LTBP1: variants seen among roughly 807,000 people sequenced by gnomAD.
LTBP1 encodes the protein latent-transforming growth factor beta-binding protein 1.
A neutral mutation model predicts 207.6 loss-of-function variants in LTBP1; 129 were observed. That is an observed-to-expected ratio of 0.62 (90% CI 0.54 to 0.72). LTBP1 has a LOEUF of 0.72. LTBP1 is among the 30% of genes least tolerant of loss of function. The probability of loss-of-function intolerance (pLI) is 0.00; values close to 1 mark genes in which losing one functional copy is unlikely to be tolerated. For missense variants in LTBP1, 2,281 were observed against 2,217.2 expected (o/e 1.03, Z -0.58); for synonymous variants, 963 against 833.7 (o/e 1.16, Z -2.67).
chr2:33,019,330 T>TC, intron 2 of LTBP1, among the ~76,000 whole-genome samples: 1 of 112,588 alleles, frequency 8.9e-6, no homozygotes, highest in Non-Finnish European at 1.9e-5. Context: ...GTACACTTCT[T>TC]TTTTTTTTTT....
At chr2:33,116,220 TA>T (rs1420204540) in intron 4 of LTBP1, among the ~76,000 whole-genome samples, 1 of 152,256 alleles carries the variant, frequency 6.6e-6, no homozygotes, top group Non-Finnish European at 1.5e-5. Flanking sequence ...TTCTACTACA[TA>T]ACTTTAATAT....
At chr2:33,231,783 T>C (rs980264355) in intron 9 of LTBP1, among the ~76,000 whole-genome samples, 1 of 152,240 alleles carries the variant, frequency 6.6e-6, no homozygotes, top group African/African-American at 2.4e-5. Flanking sequence ...GGCAAAGCTC[T>C]TATAATTAAT....
chr2:33,328,162 T>TAAATAAATAAATAAATAAATA lies in LTBP1; in HGVS notation c.3730+12900_3730+12901insTAAATAAATAAATAAAATAAA, dbSNP rs61232623. 1.3e-3 allele frequency among the ~76,000 whole-genome samples: 186 copies of TAAATAAATAAATAAATAAATA among 145,930 alleles called. 1 individual carries two copies. The highest frequency in any genetic ancestry group is 4.6e-3 in the African/African-American group (169 of 36,404). On this transcript the variant is annotated intron_variant, in intron 24 of 33. Coordinates refer to ENST00000404816, the MANE Select transcript of LTBP1 (RefSeq NM_206943.4). ...ATAAATAAATAAATAAATAAATAAA[T>TAAATAAATAAATAAATAAATA]AAATAAAATAAAAATAAAATGCATG...
At chr2:32,982,467 C>A (rs1259641882) in intron 2 of LTBP1, among the ~76,000 whole-genome samples, 1 of 152,156 alleles carries the variant, frequency 6.6e-6, no homozygotes, top group African/African-American at 2.4e-5. Flanking sequence ...TAACAAGGAG[C>A]CCAAGACAGT....
intron 31 of LTBP1, among the ~76,000 whole-genome samples, chr2:33,377,490 A>G (rs1465054129): frequency 6.6e-6 from 1 of 152,196 alleles, no homozygotes; most frequent in Non-Finnish European, 1.5e-5. Flanking sequence ...CACTTTTCCT[A>G]AGAGCTATAC....
chr2:33,218,076 GTTATA>G (rs1050633338), intron 8 of LTBP1, among the ~76,000 whole-genome samples: 2 of 152,126 alleles, frequency 1.3e-5, no homozygotes, highest in African/African-American at 4.8e-5. Flanking sequence ...TGTAGTTTTT[GTTATA>G]TTATCGGTTT....
intron 24 of LTBP1, among the ~76,000 whole-genome samples, chr2:33,342,080 G>A (rs867250445): frequency 1.3e-3 from 201 of 152,258 alleles, no homozygotes; most frequent in African/African-American, 4.6e-3. Flanking sequence ...ATTAGTAACC[G>A]TAAGAATAAA....
intron 10 of LTBP1, among the ~76,000 whole-genome samples, chr2:33,246,374 A>G (rs711234): frequency 0.65 from 98,467 of 152,056 alleles, 32,721 homozygotes; most frequent in East Asian, 0.91. Flanking sequence ...AATTAGGGAA[A>G]AGGGTGATAC....
intron 31 of LTBP1, among the ~76,000 whole-genome samples, chr2:33,376,842 T>C (rs2095146085): frequency 6.6e-6 from 1 of 152,056 alleles, no homozygotes; most frequent in South Asian, 2.1e-4. Context: ...GAAGAGGTAC[T>C]GGATTTGTGA....
chr2:33,239,737 A>AC (rs1015828287), intron 9 of LTBP1, among the ~76,000 whole-genome samples: 7 of 110,278 alleles, frequency 6.3e-5, no homozygotes, highest in African/African-American at 1.8e-4. Flanking sequence ...TACTAAAAAT[A>AC]CAAAAAAAAA....
intron 2 of LTBP1, among the ~76,000 whole-genome samples, chr2:32,954,658 T>G (rs1194016484): frequency 6.6e-6 from 1 of 151,940 alleles, no homozygotes; most frequent in African/African-American, 2.4e-5. Context: ...ACACTTTGTT[T>G]TTTTTTTTCT....
At chr2:33,019,486 C>A (rs116457856) in intron 2 of LTBP1, among the ~76,000 whole-genome samples, 2,299 of 151,780 alleles carry the variant, frequency 0.015, 25 homozygotes, top group Non-Finnish European at 0.02. Context: ...AGGCCCCTGC[C>A]ACCACACTCG....
At position 33,382,111 on chromosome 2, in the gene LTBP1, T is replaced by TTTTTTTTTTTTTTTTTTTTTTTTTTTTG. The variant is rs1553316521; in HGVS notation, c.4712-7072_4712-7071insTTTTTTTTTTTTTTTTTTTTTTTTTTGT. The stretch of plus-strand genomic sequence containing the variant: ...TTTTTTTTTTTTTTTTTTTTTTTTT[T>TTTTTTTTTTTTTTTTTTTTTTTTTTTTG]TGAGACAGAGTCTCGCTCTGTTGCC... On this transcript the variant is annotated intron_variant, in intron 31 of 33. Transcript: ENST00000404816. 1.9e-5 allele frequency among the ~76,000 whole-genome samples: 2 copies of TTTTTTTTTTTTTTTTTTTTTTTTTTTTG among 103,652 alleles called. 1 individual carries two copies. Among genetic ancestry groups the TTTTTTTTTTTTTTTTTTTTTTTTTTTTG allele is most frequent in the African/African-American group, 9.7e-5 (2 of 20,682 alleles). 68.0% of individuals were successfully genotyped at this position (103,652 alleles called of 152,430 possible).
chr2:33,096,482 A>G lies in LTBP1; in HGVS notation c.864-14100A>G, dbSNP rs149955993. On this transcript the variant is annotated intron_variant, in intron 3 of 33. Coordinates refer to ENST00000404816, the MANE Select transcript of LTBP1 (RefSeq NM_206943.4). ...GATGTAATATATGTAAAAATGTAAGATTTTTGCAACAAATGCTATTGGGAT... is the reference window on the plus strand; with the variant it reads ...GATGTAATATATGTAAAAATGTAAGGTTTTTGCAACAAATGCTATTGGGAT... 3.0e-3 allele frequency among the ~76,000 whole-genome samples: 455 copies of G among 152,302 alleles called. 2 individuals carry two copies. The highest frequency in any genetic ancestry group is 1.0e-2 in the African/African-American group (414 of 41,564).
At chr2:33,125,277 T>C (rs1012381154) in intron 4 of LTBP1, among the ~76,000 whole-genome samples, 1 of 152,244 alleles carries the variant, frequency 6.6e-6, no homozygotes, top group Admixed American at 6.5e-5. Flanking sequence ...AAGCTTCTGG[T>C]GAACATCTCT....
intron 4 of LTBP1, among the ~76,000 whole-genome samples, chr2:33,113,388 C>G (rs950760554): frequency 6.6e-6 from 1 of 152,090 alleles, no homozygotes; most frequent in African/African-American, 2.4e-5. Context: ...TTTGAATAAG[C>G]AGGAAAGAGA....
At chr2:33,375,287 T>C (rs1301472733) in intron 31 of LTBP1, among the ~76,000 whole-genome samples, 1 of 152,144 alleles carries the variant, frequency 6.6e-6, no homozygotes, top group African/African-American at 2.4e-5. Flanking sequence ...TTCTAGGAAA[T>C]GAGTCAACGT....
intron 26 of LTBP1, among the ~76,000 whole-genome samples, chr2:33,356,652 A>T (rs1224686688): frequency 6.6e-6 from 1 of 151,918 alleles, no homozygotes. Context: ...TGTCTCAAAA[A>T]ACAAAAAACA....
intron 20 of LTBP1, among the ~76,000 whole-genome samples, chr2:33,293,743 G>A (rs1301961588): frequency 1.3e-5 from 2 of 152,036 alleles, no homozygotes; most frequent in African/African-American, 4.8e-5. Context: ...TGTCATTAAT[G>A]AATATTCATA....
Sources: gnomAD v4.1 joint callset for allele counts (sites outside exome capture counted in the v4.1 genomes callset) on GRCh38, gnomAD v4.1.1 for gene constraint, MANE v1.5 for transcripts, NCBI Gene and HGNC (gene_info 2026-07-23, HGNC 2026-07-21) for gene names.